Variants in APAF1 observed in about 807,000 individuals in gnomAD.
The protein encoded by APAF1 is apoptotic protease-activating factor 1.
A neutral mutation model predicts 152.4 loss-of-function variants in APAF1; 91 were observed. The observed-to-expected ratio is 0.60, with a 90% CI of 0.50 to 0.71. The LOEUF (loss-of-function observed/expected upper bound fraction) is 0.71, where lower values mean the gene tolerates loss of function less well. Among genes scored for constraint, APAF1 ranks in the 30% least tolerant of loss-of-function variants. APAF1 has a pLI of 0.00. For synonymous variants in APAF1, 484 were observed against 494.1 expected (o/e 0.98, Z 0.27); for missense variants, 1,283 against 1,472.0 (o/e 0.87, Z 2.10).
chr12:98,665,641 G>A lies in APAF1; in HGVS notation c.1044G>A (p.Lys348=). ...WEYYLKQLQN[K]QFKRIRKSSS... ...ACTACCTCAAACAGCTTCAGAATAA[G>A]CAGTTTAAGAGAATAAGGAAATCTT... is the stretch of plus-strand genomic sequence containing the variant. The change falls in exon 8 of 27, where the codon AAG becomes AAA. Residue 348 remains lysine, a synonymous_variant. Transcript: ENST00000551964. The A allele has an allele frequency of 6.2e-7, 1 of 1,613,868 alleles. No individual in the cohort carries two copies. The highest frequency in any genetic ancestry group is 8.5e-7 in the Non-Finnish European group (1 of 1,179,946).
intron 10 of APAF1, among the ~76,000 whole-genome samples, chr12:98,668,694 A>G (rs1029346928): frequency 6.6e-5 from 10 of 152,222 alleles, no homozygotes; most frequent in Non-Finnish European, 1.0e-4. Context: ...CTCAAACCCC[A>G]GTGGAAAGAA....
chr12:98,658,084 T>C (rs185895075), intron 4 of APAF1, among the ~76,000 whole-genome samples: 1 of 152,284 alleles, frequency 6.6e-6, no homozygotes, highest in Non-Finnish European at 1.5e-5. Context: ...TTTGCTTTTT[T>C]TGGTATGTTT....
chr12:98,716,657 C>T (rs2097735030), intron 22 of APAF1, among the ~76,000 whole-genome samples: 1 of 152,090 alleles, frequency 6.6e-6, no homozygotes, highest in Non-Finnish European at 1.5e-5. Flanking sequence ...AGTTTTTATT[C>T]ATTGTTTTGG....
At chr12:98,685,709 C>T (rs1417271396) in intron 15 of APAF1, among the ~76,000 whole-genome samples, 1 of 152,098 alleles carries the variant, frequency 6.6e-6, no homozygotes. Context: ...GATCTTGGCT[C>T]ATTGCAACCT....
chr12:98,735,273 A>T lies in APAF1; in HGVS notation c.*2707A>T. The T allele has an allele frequency of 2.5e-6, 1 of 399,816 alleles. No homozygotes were observed. Among genetic ancestry groups the T allele is most frequent in the Non-Finnish European group, 4.4e-6 (1 of 226,946 alleles). The allele number at this position is 399,816 out of a possible 1,614,324, so 24.8% of individuals were successfully genotyped here. A position where few individuals can be genotyped will look rare whatever the true frequency, so the allele number is the denominator to read the frequency against. ...TGTATTATAAATTACATTGGACTTC[A>T]TATATATAATTTTTTTTTACATTAT... On this transcript the variant is annotated 3_prime_UTR_variant, in exon 27 of 27. Coordinates refer to ENST00000551964, the MANE Select transcript of APAF1 (RefSeq NM_181861.2).
Position 98,665,492 on chromosome 12 carries a change from G to A in APAF1, c.956-61G>A, listed in dbSNP as rs915282038. On this transcript the variant is annotated intron_variant, in intron 7 of 26. Coordinates refer to ENST00000551964, the MANE Select transcript of APAF1 (RefSeq NM_181861.2). ...TCTTAGTAATGTAAGTAAGTAAGTC[G>A]ATTCTTATTAGTGACAAAATAGGAT... 26 of 1,144,586 alleles carry A rather than the reference G, an allele frequency of 2.3e-5. No homozygotes were observed. The African/African-American group carries it at 2.3e-4, about 10-fold the overall frequency. 70.9% of individuals were successfully genotyped at this position (1,144,586 alleles called of 1,614,324 possible).
chr12:98,661,901 C>T (rs73374768), intron 5 of APAF1, among the ~76,000 whole-genome samples: 18,462 of 151,864 alleles, frequency 0.12, 1,173 homozygotes, highest in East Asian at 0.24. Context: ...CAACTGGGAA[C>T]TGGCATAGAG....
intron 5 of APAF1, among the ~76,000 whole-genome samples, chr12:98,660,531 T>C (rs1296346216): frequency 6.6e-6 from 1 of 152,228 alleles, no homozygotes; most frequent in Non-Finnish European, 1.5e-5. Flanking sequence ...GGCACTGTTA[T>C]CAAGTGTTTC....
chr12:98,697,723 C>T (rs2097711384), intron 16 of APAF1, among the ~76,000 whole-genome samples: 1 of 152,112 alleles, frequency 6.6e-6, no homozygotes, highest in African/African-American at 2.4e-5. Context: ...GATATAATGA[C>T]AGGTAGTAAG....
rs1565901827 is a variant in APAF1 at position 98,732,511 on chromosome 12, CAT to C, written c.3695_3696del (p.Tyr1232CysfsTer5). 1.9e-6 allele frequency: 3 copies of C among 1,579,800 alleles called. No homozygotes were observed. Among genetic ancestry groups the C allele is most frequent in the South Asian group, 1.1e-5 (1 of 90,374 alleles). ...ATACACGTGTCCCCTGACTTCAAAA[CAT>C]ATGTGACTGTGGATAATCTTGGTAT... is the stretch of plus-strand genomic sequence containing the variant. On this transcript the variant is annotated frameshift_variant, in exon 27 of 27. Coordinates refer to ENST00000551964, the MANE Select transcript of APAF1 (RefSeq NM_181861.2). LOFTEE classifies it high-confidence loss of function.
chr12:98,660,441 T>C (rs1433187499), intron 5 of APAF1, among the ~76,000 whole-genome samples: 1 of 152,224 alleles, frequency 6.6e-6, no homozygotes, highest in Non-Finnish European at 1.5e-5. Flanking sequence ...TCTACTTCCA[T>C]GTACTTCAGG....
intron 14 of APAF1, among the ~76,000 whole-genome samples, chr12:98,681,918 A>G (rs1593060882): frequency 6.6e-6 from 1 of 152,236 alleles, no homozygotes; most frequent in African/African-American, 2.4e-5. Flanking sequence ...GAAATGCCAA[A>G]GGACATTAGT....
chr12:98,703,575 C>T, intron 18 of APAF1, 76 bp downstream of exon 18: 1 of 1,563,936 alleles, frequency 6.4e-7, no homozygotes, highest in South Asian at 1.1e-5. Context: ...CAGCTTAAAC[C>T]ATTAACTGCT....
In APAF1 at chr12:98,645,805, T is replaced by A. The variant is rs775866105; in HGVS notation, c.-72T>A. ...CAGTCTTGTCCCGGCAGTGCCGCCC[T>A]CCCCACTAAGACCTAGGCGCAAAGG... On this transcript the variant is annotated 5_prime_UTR_variant, in exon 1 of 27. Transcript: ENST00000551964. 6.6e-6 allele frequency: 1 copy of A among 152,218 alleles called. No homozygotes were observed. The highest frequency in any genetic ancestry group is 1.5e-5 in the Non-Finnish European group (1 of 68,068). 9.4% of individuals were successfully genotyped at this position (152,218 alleles called of 1,614,324 possible).
chr12:98,670,997 C>A lies in APAF1; in HGVS notation c.1519C>A (p.Leu507Met). 6.2e-7 allele frequency: 1 copy of A among 1,612,358 alleles called. No individual in the cohort carries two copies. The highest frequency in any genetic ancestry group is 1.1e-5 in the South Asian group (1 of 91,018). ...HKELCALMFS[L>M]DWIKAKTELV... Reference sequence around the variant, plus strand: ...GGAACTTTGTGCTTTAATGTTTTCCCTGGATTGGATTAAAGCAAAAACAGA... The same window carrying A: ...GGAACTTTGTGCTTTAATGTTTTCCATGGATTGGATTAAAGCAAAAACAGA... The change falls in exon 11 of 27, where the codon CTG (leucine) becomes ATG (methionine). Residue 507 changes from leucine to methionine, a missense_variant. By Grantham distance (15) the Leu-to-Met change is conservative (BLOSUM62 2). Transcript: ENST00000551964.
At chr12:98,655,036 C>G (rs1179348220) in intron 4 of APAF1, among the ~76,000 whole-genome samples, 3 of 118,874 alleles carry the variant, frequency 2.5e-5, no homozygotes, top group East Asian at 2.3e-4. Flanking sequence ...TGACTCTTAA[C>G]GAGCATGCTG....
At chr12:98,725,348 A>G in intron 24 of APAF1, 67 bp from the exon 25 acceptor site, 1 of 1,595,642 alleles carries the variant, frequency 6.3e-7, no homozygotes, top group Non-Finnish European at 8.6e-7. Context: ...ATGGCTGAAT[A>G]GCAATCAAGG....
chr12:98,662,352 A>C, intron 5 of APAF1, 104 bp from the exon 6 acceptor site: 10 of 860,034 alleles, frequency 1.2e-5, no homozygotes, highest in Non-Finnish European at 1.9e-5. Flanking sequence ...TGTTTTAAAA[A>C]AAATTTAATT....
intron 4 of APAF1, among the ~76,000 whole-genome samples, chr12:98,652,546 AT>A (rs1392522339): frequency 3.3e-5 from 5 of 150,140 alleles, no homozygotes; most frequent in Non-Finnish European, 7.4e-5. Flanking sequence ...GGGGTTTCCA[AT>A]TTTTTTTTCT....
Sources: allele counts gnomAD v4.1 joint callset (sites outside exome capture counted in the v4.1 genomes callset), GRCh38; gene constraint gnomAD v4.1.1; transcripts MANE v1.5; gene names NCBI Gene and HGNC (gene_info 2026-07-23, HGNC 2026-07-21).